The following RAVER2 variants were observed in gnomAD, a reference collection of about 807,000 sequenced individuals.
The protein encoded by RAVER2 is ribonucleoprotein, PTB binding 2, also known as ribonucleoprotein PTB-binding 2.
Under a neutral mutation model 78.1 loss-of-function variants are expected in RAVER2, and 46 were observed. The observed-to-expected ratio is 0.59, with a 90% confidence interval of 0.46 to 0.75. The LOEUF (loss-of-function observed/expected upper bound fraction) is 0.75. Among genes scored for constraint, RAVER2 ranks in the 30% least tolerant of loss-of-function variants. RAVER2 has a pLI of 0.00. For synonymous variants in RAVER2, 311 were observed against 313.3 expected (o/e 0.99, Z 0.08); for missense variants, 793 against 837.5 (o/e 0.95, Z 0.66).
At position 64,745,777 on chromosome 1, in the gene RAVER2, G is replaced by T. The variant is rs1651513802; in HGVS notation, c.249+356G>T. ...AGTTGTGGAGCACACATTTTGCGGG[G>T]GGGAGCGGGGGTAGAGGGGGCCGAA... On this transcript the variant is annotated intron_variant, in intron 1 of 11. Coordinates refer to ENST00000294428, the Ensembl canonical transcript of RAVER2. The surrounding 1 kb of genome is among the most constrained non-coding windows in gnomAD (Gnocchi z 4.3). 6.6e-6 allele frequency among the ~76,000 whole-genome samples: 1 copy of T among 152,032 alleles called. No individual in the cohort carries two copies. Among genetic ancestry groups the T allele is most frequent in the Non-Finnish European group, 1.5e-5 (1 of 67,988 alleles).
intron 1 of RAVER2, among the ~76,000 whole-genome samples, chr1:64,748,569 TTC>T (rs1203631826): frequency 6.6e-6 from 1 of 152,242 alleles, no homozygotes; most frequent in Non-Finnish European, 1.5e-5. Context: ...AAGTTTTGTG[TTC>T]TGTCTGAGAA....
At chr1:64,796,324 C>T (rs1653095346) in intron 5 of RAVER2, among the ~76,000 whole-genome samples, 1 of 151,956 alleles carries the variant, frequency 6.6e-6, no homozygotes, top group South Asian at 2.1e-4. Flanking sequence ...TCTCTTCAGT[C>T]ATCAGGAGAG....
exon 12 of RAVER2, chr1:64,831,046 G>A: frequency 2.0e-6 from 3 of 1,504,732 alleles, no homozygotes; most frequent in Non-Finnish European, 2.7e-6. Context: ...GTTCATCGCT[G>A]CCTTAACTTC....
Position 64,745,217 on chromosome 1 carries a change from CCTGGGCAGCGCGGCGGGG to C in RAVER2, c.51_68del (p.Ser18_Gly23del). ...ACGGCGGCGGCGAGGGGGGCGCGGG[CCTGGGCAGCGCGGCGGGG>C]CTGGGGCCGGGGCCGGGGCTGCGCG... On this transcript the variant is annotated inframe_deletion, in exon 1 of 12. Transcript: ENST00000294428. The surrounding 1 kb of genome is among the most constrained non-coding windows in gnomAD (Gnocchi z 4.3). 1 of 1,076,252 alleles carries C rather than the reference CCTGGGCAGCGCGGCGGGG, an allele frequency of 9.3e-7. No individual in the cohort carries two copies. 66.7% of individuals were successfully genotyped at this position (1,076,252 alleles called of 1,614,324 possible). A position where few individuals can be genotyped will look rare whatever the true frequency, so the allele number is the denominator to read the frequency against.
chr1:64,785,622 G>A (rs1202944949), intron 4 of RAVER2, among the ~76,000 whole-genome samples: 2 of 152,064 alleles, frequency 1.3e-5, no homozygotes, highest in Non-Finnish European at 2.9e-5. Flanking sequence ...GCCAGCCTCA[G>A]CCTCCCAAAG....
At chr1:64,830,700 T>C (rs770424303) in intron 11 of RAVER2, 139 bp from the exon 12 acceptor site, 55 of 719,514 alleles carry the variant, frequency 7.6e-5, no homozygotes, top group Non-Finnish European at 1.2e-4. Context: ...AAGGGGTTTG[T>C]GTATTTTTTG....
In RAVER2 at chr1:64,752,028, A is replaced by G. The variant is rs566982180; in HGVS notation, c.249+6607A>G. On this transcript the variant is annotated intron_variant, in intron 1 of 11. Transcript: ENST00000294428. ...ATCAGATCACCTAGAACATTTGGCT[A>G]TACAGTACTGTATATTTTTTGGCTG... 5.9e-5 allele frequency among the ~76,000 whole-genome samples: 9 copies of G among 152,322 alleles called. No individual in the cohort carries two copies. The South Asian group carries it at 1.7e-3, about 28-fold the overall frequency.
At chr1:64,777,066 C>T (rs1195862953) in intron 2 of RAVER2, among the ~76,000 whole-genome samples, 2 of 152,144 alleles carry the variant, frequency 1.3e-5, no homozygotes, top group Non-Finnish European at 2.9e-5. Flanking sequence ...TCAATCTAAT[C>T]TGATATTAAG....
intron 5 of RAVER2, among the ~76,000 whole-genome samples, chr1:64,791,115 A>G (rs1652927937): frequency 6.6e-6 from 1 of 152,218 alleles, no homozygotes; most frequent in South Asian, 2.1e-4. Context: ...AGGCAAGGGA[A>G]GATACACTTA....
intron 11 of RAVER2, among the ~76,000 whole-genome samples, chr1:64,830,314 A>G (rs1654093370): frequency 6.6e-6 from 1 of 152,198 alleles, no homozygotes; most frequent in South Asian, 2.1e-4. Flanking sequence ...ATTATTGTGG[A>G]GACCAAAGCT....
At chr1:64,804,994 C>A in exon 8 of RAVER2, 1 of 1,613,306 alleles carries the variant, frequency 6.2e-7, no homozygotes, top group Non-Finnish European at 8.5e-7. Flanking sequence ...TTTGTAGAAA[C>A]CCGGCTTACT....
chr1:64,746,094 G>C (rs1338485266), intron 1 of RAVER2, among the ~76,000 whole-genome samples: 1 of 152,214 alleles, frequency 6.6e-6, no homozygotes, highest in Non-Finnish European at 1.5e-5. Context: ...GCTACTCTGT[G>C]TATTTAATCC....
chr1:64,830,743 T>C, intron 11 of RAVER2, 96 bp from the exon 12 acceptor site: 1 of 1,158,830 alleles, frequency 8.6e-7, no homozygotes. Context: ...TATTCTATAT[T>C]CACCAAGTCA....
chr1:64,748,294 A>G (rs930721061), intron 1 of RAVER2, among the ~76,000 whole-genome samples: 1 of 152,162 alleles, frequency 6.6e-6, no homozygotes, highest in African/African-American at 2.4e-5. Flanking sequence ...CTCTGGTTCA[A>G]GTCCTTTTCG....
rs565029896 is a variant in RAVER2, at chr1:64,762,316, C to T, written c.250-6340C>T. 3.3e-5 allele frequency among the ~76,000 whole-genome samples: 5 copies of T among 151,258 alleles called. No homozygotes were observed. The East Asian group carries it at 9.7e-4, about 29-fold the overall frequency. ...CATTCCACATTTGTGGATTGGAAGA[C>T]TCAGTATCATTTAGATGTCAGTTGT... On this transcript the variant is annotated intron_variant, in intron 1 of 11. Coordinates refer to ENST00000294428, the Ensembl canonical transcript of RAVER2.
At chr1:64,814,801 G>T (rs766713512) in exon 11 of RAVER2, 4 of 1,587,022 alleles carry the variant, frequency 2.5e-6, no homozygotes, top group Non-Finnish European at 3.4e-6. Context: ...CATTGGAAAA[G>T]TGCATTGCTT....
In RAVER2 at chr1:64,824,932, C is replaced by CAAAAAAAAAAAAAAAA. The variant is rs56179197; in HGVS notation, c.1930-5895_1930-5880dup. Among the ~76,000 whole-genome samples, 54 of 79,394 alleles carry CAAAAAAAAAAAAAAAA rather than the reference C, an allele frequency of 6.8e-4. 6 individuals carry two copies. Among genetic ancestry groups the CAAAAAAAAAAAAAAAA allele is most frequent in the African/African-American group, 3.6e-3 (47 of 12,882 alleles). The allele number at this position is 79,394 out of a possible 152,430, so 52.1% of individuals were successfully genotyped here. On this transcript the variant is annotated intron_variant, in intron 11 of 11. Transcript: ENST00000294428. ...GGCAACAGAGCGAGACCCTGTCTCC[C>CAAAAAAAAAAAAAAAA]AAAAAAAAAAAAAAAAAAAAAAAAA... is the stretch of plus-strand genomic sequence containing the variant.
At chr1:64,793,063 C>T (rs1175389722) in intron 5 of RAVER2, among the ~76,000 whole-genome samples, 1 of 152,096 alleles carries the variant, frequency 6.6e-6, no homozygotes, top group Non-Finnish European at 1.5e-5. Context: ...ATTAGCTGGG[C>T]ATGGTGGCAT....
At chr1:64,789,576 C>G in intron 5 of RAVER2, 62 bp downstream of exon 5, 1 of 1,287,438 alleles carries the variant, frequency 7.8e-7, no homozygotes, top group Middle Eastern at 2.0e-4. Context: ...AATTTTTTCA[C>G]ATGTGAAATA....
Sources: allele counts gnomAD v4.1 joint callset (sites outside exome capture counted in the v4.1 genomes callset), GRCh38; gene constraint gnomAD v4.1.1; non-coding constraint Gnocchi (gnomAD v3.1); transcripts MANE v1.5; gene names NCBI Gene and HGNC (gene_info 2026-07-23, HGNC 2026-07-21).